The following PPP2R3B variants were observed in gnomAD, a reference collection of about 807,000 sequenced individuals.
The protein encoded by PPP2R3B is protein phosphatase 2 regulatory subunit B''beta, also known as serine/threonine-protein phosphatase 2A regulatory subunit B'' subunit beta.
Under a neutral mutation model 72.9 loss-of-function variants are expected in PPP2R3B, and 68 were observed. The observed-to-expected ratio is 0.93, with a 90% CI of 0.77 to 1.14. The LOEUF (loss-of-function observed/expected upper bound fraction) is 1.14. Among genes scored for constraint, PPP2R3B ranks in the 50% most tolerant of loss-of-function variants. PPP2R3B has a pLI of 0.00. For missense variants in PPP2R3B, 1,018 were observed against 842.0 expected, an observed-to-expected ratio of 1.21 and a Z score of -2.59; for synonymous variants, 466 against 375.8, an observed-to-expected ratio of 1.24 and a Z score of -2.78.
At chrX:338,498 C>T (rs1324975152) in intron 12 of PPP2R3B, 106 bp downstream of exon 12, 62 of 1,176,878 alleles carry the variant, frequency 5.3e-5, no homozygotes, top group Middle Eastern at 5.6e-4. Context: ...TGACTGACCC[C>T]GCATCCCCCG....
At chrX:347,398 G>T in intron 3 of PPP2R3B, 62 bp from the exon 4 acceptor site, 1 of 1,499,192 alleles carries the variant, frequency 6.7e-7, no homozygotes, top group African/African-American at 1.4e-5. Flanking sequence ...CCCCGCAGAC[G>T]CAGGGTGGAA....
intron 2 of PPP2R3B, among the ~76,000 whole-genome samples, chrX:354,878 C>T (rs778078999): frequency 6.6e-6 from 1 of 152,298 alleles, no homozygotes; most frequent in African/African-American, 2.4e-5. Flanking sequence ...TCCCAGCAAA[C>T]AAGAAACCAA....
At chrX:338,548 C>A (rs1603030007) in intron 12 of PPP2R3B, 56 bp downstream of exon 12, 1 of 1,181,166 alleles carries the variant, frequency 8.5e-7, no homozygotes, top group South Asian at 1.4e-5. Context: ...CCGTCCTCCC[C>A]ACTCACCCGT....
chrX:379,922 G>A (rs2072086773), intron 1 of PPP2R3B, among the ~76,000 whole-genome samples: 1 of 152,124 alleles, frequency 6.6e-6, no homozygotes, highest in Non-Finnish European at 1.5e-5. Context: ...GAAGGTGAGG[G>A]GATGCACATA....
In PPP2R3B at chrX:361,271, G is replaced by C; in HGVS notation, c.510+134C>G. 4 of 1,018,888 alleles carry C rather than the reference G, an allele frequency of 3.9e-6. No homozygotes were observed. The South Asian group carries it at 6.2e-5, about 16-fold the overall frequency. 63.1% of individuals were successfully genotyped at this position (1,018,888 alleles called of 1,614,324 possible). ...AAACCTGGGCCGCTCCCGCACACGT[G>C]TGAAACGCACCCTCCTCGGCCGTGC... On this transcript the variant is annotated intron_variant, in intron 2 of 12. Coordinates refer to ENST00000390665, the MANE Select transcript of PPP2R3B (RefSeq NM_013239.5).
chrX:367,443 T>C (rs894425177), intron 1 of PPP2R3B, among the ~76,000 whole-genome samples: 3 of 147,222 alleles, frequency 2.0e-5, no homozygotes, highest in African/African-American at 7.4e-5. Flanking sequence ...TTTTTTTCTT[T>C]ATAGAGACGG....
intron 1 of PPP2R3B, among the ~76,000 whole-genome samples, chrX:385,872 G>C (rs761266162): frequency 1.3e-5 from 2 of 152,284 alleles, no homozygotes; most frequent in South Asian, 2.1e-4. Flanking sequence ...CTTGAGGTCA[G>C]GAGTTCGAGA....
intron 1 of PPP2R3B, among the ~76,000 whole-genome samples, chrX:364,248 A>G (rs896392960): frequency 9.2e-5 from 14 of 152,200 alleles, no homozygotes; most frequent in Admixed American, 1.3e-4. Flanking sequence ...CCCAGGAATG[A>G]AAGTAGCAGC....
intron 6 of PPP2R3B, 23 bp downstream of exon 6, chrX:346,150 AG>A: frequency 1.5e-6 from 2 of 1,314,484 alleles, no homozygotes; most frequent in South Asian, 2.7e-5. Flanking sequence ...GGCAGGGGGC[AG>A]GGGACAGGGG....
At chrX:346,655 C>G in intron 5 of PPP2R3B, 46 bp downstream of exon 5, 1 of 1,556,270 alleles carries the variant, frequency 6.4e-7, no homozygotes, top group Non-Finnish European at 8.8e-7. Context: ...TGCAGAAACA[C>G]CCGCGCCCCG....
rs766515034 is a variant in PPP2R3B, at chrX:347,114, G to A, written c.717+120C>T. 8.2e-5 allele frequency: 100 copies of A among 1,217,240 alleles called. No homozygotes were observed. The South Asian group carries it at 1.1e-3, about 13-fold the overall frequency. 75.4% of individuals were successfully genotyped at this position (1,217,240 alleles called of 1,614,324 possible). ...CCCATGAGGTGTGCGGTGTAGACGC[G>A]GACCCTCCCGTGAGGGATGAGGCGT... On this transcript the variant is annotated intron_variant, in intron 4 of 12. Transcript: ENST00000390665.
rs1365473055 is a variant in PPP2R3B, at chrX:386,596, C to T, written c.96G>A (p.Leu32=). ...CCTTGATCCGGCGCAGGCAGTCCTG[C>T]AGCATCCGCTGCGTGCTGGCCTCGC... ...WLSEASTQRM[L]QDCLRRIKAP... Residue 32 remains leucine (L), a synonymous_variant, in exon 1 of 13, where the codon CTG becomes CTA. Coordinates refer to ENST00000390665, the MANE Select transcript of PPP2R3B (RefSeq NM_013239.5). 1.4e-6 allele frequency: 2 copies of T among 1,449,892 alleles called. No homozygotes were observed. Among genetic ancestry groups the T allele is most frequent in the Non-Finnish European group, 1.8e-6 (2 of 1,102,284 alleles). The allele number at this position is 1,449,892 out of a possible 1,614,324, so 89.8% of individuals were successfully genotyped here. A position where few individuals can be genotyped will look rare whatever the true frequency, so the allele number is the denominator to read the frequency against.
rs772172304 is a variant in PPP2R3B at position 359,353 on chromosome X, AG to A, written c.510+2051del. On this transcript the variant is annotated intron_variant, in intron 2 of 12. Coordinates refer to ENST00000390665, the MANE Select transcript of PPP2R3B (RefSeq NM_013239.5). ...GCGTGTTAAGTCGAGTGAGTCTGCC[AG>A]GGCACGGAGCAGGTGCTCACTCCAC... Among the ~76,000 whole-genome samples, 30 of 152,352 alleles carry A rather than the reference AG, an allele frequency of 2.0e-4. No homozygotes were observed. The South Asian group carries it at 6.0e-3, about 30-fold the overall frequency.
At chrX:353,097 G>A (rs1346780837) in intron 2 of PPP2R3B, among the ~76,000 whole-genome samples, 2 of 151,998 alleles carry the variant, frequency 1.3e-5, no homozygotes, top group Admixed American at 6.5e-5. Flanking sequence ...GCAGTGGCCG[G>A]GTGCGGTGGC....
intron 7 of PPP2R3B, 158 bp downstream of exon 7, chrX:345,358 G>C (rs1346928362): frequency 1.9e-6 from 2 of 1,042,610 alleles, no homozygotes; most frequent in African/African-American, 3.2e-5. Context: ...TGGGGAAGGA[G>C]AGGCAGCTGC....
chrX:385,528 TA>T (rs2072228336), intron 1 of PPP2R3B, among the ~76,000 whole-genome samples: 1 of 151,946 alleles, frequency 6.6e-6, no homozygotes, highest in Non-Finnish European at 1.5e-5. Context: ...TTCTAAGAAA[TA>T]CAGTGGGATT....
chrX:376,281 G>A (rs148188499), intron 1 of PPP2R3B, among the ~76,000 whole-genome samples: 106 of 142,744 alleles, frequency 7.4e-4, no homozygotes, highest in African/African-American at 2.5e-3. Flanking sequence ...CTCTGACCTG[G>A]AGCCCTCGAA....
intron 1 of PPP2R3B, among the ~76,000 whole-genome samples, chrX:364,494 C>T (rs1355543557): frequency 3.1e-5 from 4 of 131,096 alleles, no homozygotes; most frequent in Non-Finnish European, 6.3e-5. Context: ...CATGGCAAAA[C>T]TTCATCTCTA....
chrX:364,166 G>C (rs2071630637), intron 1 of PPP2R3B, among the ~76,000 whole-genome samples: 1 of 152,236 alleles, frequency 6.6e-6, no homozygotes, highest in Admixed American at 6.5e-5. Context: ...GGGTCCTCCG[G>C]GGAAGCTCCC....
Sources: allele counts gnomAD v4.1 joint callset (sites outside exome capture counted in the v4.1 genomes callset), GRCh38; gene constraint gnomAD v4.1.1; transcripts MANE v1.5; gene names NCBI Gene and HGNC (gene_info 2026-07-23, HGNC 2026-07-21).